The following UBE3C variants were observed in gnomAD, a reference collection of about 807,000 sequenced individuals.
UBE3C encodes ubiquitin-protein ligase E3C.
A neutral mutation model predicts 129.4 loss-of-function variants in UBE3C; 42 were observed. The observed-to-expected ratio is 0.32, with a 90% CI of 0.25 to 0.42. The LOEUF (loss-of-function observed/expected upper bound fraction) is 0.42. Among genes scored for constraint, UBE3C ranks in the 10% least tolerant of loss-of-function variants. The pLI is 1.00. For missense variants in UBE3C, 1,049 were observed against 1,319.1 expected, an observed-to-expected ratio of 0.80 and a Z score of 3.17; for synonymous variants, 510 against 492.4, an observed-to-expected ratio of 1.04 and a Z score of -0.47.
chr7:157,176,744 C>T (rs562186177), intron 5 of UBE3C, among the ~76,000 whole-genome samples: 2 of 152,268 alleles, frequency 1.3e-5, no homozygotes, highest in Admixed American at 6.5e-5. Flanking sequence ...GGCTTGGCCT[C>T]ATTTGTATTT....
At chr7:157,230,926 A>G (rs1240249658) in intron 17 of UBE3C, among the ~76,000 whole-genome samples, 154 bp from the exon 18 acceptor site, 3 of 152,176 alleles carry the variant, frequency 2.0e-5, no homozygotes, top group African/African-American at 7.2e-5. Context: ...CTCTGTCTCA[A>G]AAAATAATGA....
At chr7:157,207,377 T>C (rs1177795775) in intron 11 of UBE3C, 21 bp from the exon 12 acceptor site, 2 of 1,590,990 alleles carry the variant, frequency 1.3e-6, no homozygotes, top group Admixed American at 1.9e-5. Flanking sequence ...CTGGTTTTTT[T>C]CTTCTTTTCT....
In UBE3C at chr7:157,169,045, T is replaced by A; in HGVS notation, c.121-3T>A. On this transcript the variant is annotated splice_region_variant and splice_polypyrimidine_tract_variant and intron_variant, in intron 2 of 22. Coordinates refer to ENST00000348165, the MANE Select transcript of UBE3C (RefSeq NM_014671.3). ...CTCCCTCACTCCTCCTTTTATTGTTTAGGAAGAAAGGCGAAGGTTGAAAAA... is the reference window on the plus strand; with the variant it reads ...CTCCCTCACTCCTCCTTTTATTGTTAAGGAAGAAAGGCGAAGGTTGAAAAA... The A allele has an allele frequency of 6.2e-7, 1 of 1,613,262 alleles. No individual in the cohort carries two copies. Among genetic ancestry groups the A allele is most frequent in the Non-Finnish European group, 8.5e-7 (1 of 1,179,400 alleles).
At chr7:157,150,379 A>G (rs1297740596) in intron 1 of UBE3C, among the ~76,000 whole-genome samples, 1 of 126,494 alleles carries the variant, frequency 7.9e-6, no homozygotes, top group Non-Finnish European at 1.9e-5. Context: ...ACTCTGTCTC[A>G]AAAAAAAAAA....
rs139806998 is a variant in UBE3C at position 157,166,466 on chromosome 7, C to T, written c.121-2582C>T. ...TAAAATCAATATTTTGAGGGCTGGG[C>T]GCGATGGCTCACGCCTGTATTCTCA... On this transcript the variant is annotated intron_variant, in intron 2 of 22. Transcript: ENST00000348165. Among the ~76,000 whole-genome samples, 32 of 152,142 alleles carry T rather than the reference C, an allele frequency of 2.1e-4. 1 individual carries two copies. The highest frequency in any genetic ancestry group is 3.4e-4 in the Non-Finnish European group (23 of 68,020).
chr7:157,189,172 G>A lies in UBE3C; in HGVS notation c.1331+2151G>A, dbSNP rs188313686. 3.4e-4 allele frequency: 134 copies of A among 390,596 alleles called. 1 individual carries two copies. In the East Asian group the frequency reaches 4.6e-3, roughly 13 times the overall value. 24.2% of individuals were successfully genotyped at this position (390,596 alleles called of 1,614,324 possible). ...GAACACTCGTGTCTGAATATGCCGA[G>A]GAAGCTGGGGCTGGAGCAGAAGTGC... On this transcript the variant is annotated intron_variant, in intron 10 of 22. Coordinates refer to ENST00000348165, the MANE Select transcript of UBE3C (RefSeq NM_014671.3).
chr7:157,175,137 CT>C (rs56852731), intron 5 of UBE3C, 103 bp downstream of exon 5: 30,212 of 250,194 alleles, frequency 0.12, 5 homozygotes, highest in Middle Eastern at 0.15. Context: ...CTTTTCCATA[CT>C]TTTTTTTTTT....
chr7:157,195,272 A>T (rs1202194375), intron 10 of UBE3C, among the ~76,000 whole-genome samples: 3 of 152,236 alleles, frequency 2.0e-5, no homozygotes, highest in Non-Finnish European at 4.4e-5. Flanking sequence ...CATATGTAAG[A>T]GACCCACAAG....
At chr7:157,156,801 T>C (rs1807922453) in intron 1 of UBE3C, among the ~76,000 whole-genome samples, 1 of 151,980 alleles carries the variant, frequency 6.6e-6, no homozygotes, top group Non-Finnish European at 1.5e-5. Context: ...TCGGAGACAG[T>C]TCCTGATCAG....
At chr7:157,229,562 C>A (rs1333877630) in intron 17 of UBE3C, among the ~76,000 whole-genome samples, 1 of 152,226 alleles carries the variant, frequency 6.6e-6, no homozygotes, top group Non-Finnish European at 1.5e-5. Flanking sequence ...GGTGACCCAC[C>A]TGCCTTGGCC....
At chr7:157,236,933 T>C (rs1041596171) in intron 18 of UBE3C, among the ~76,000 whole-genome samples, 10 of 152,030 alleles carry the variant, frequency 6.6e-5, no homozygotes, top group African/African-American at 2.4e-4. Flanking sequence ...GGTTTCATCA[T>C]GTTGGCCAAG....
intron 10 of UBE3C, among the ~76,000 whole-genome samples, chr7:157,196,977 A>G (rs1260119865): frequency 2.6e-5 from 4 of 152,238 alleles, no homozygotes; most frequent in Non-Finnish European, 5.9e-5. Flanking sequence ...CTCAAAAAAA[A>G]GAATTGCTGA....
chr7:157,248,830 T>G (rs1796546422), intron 19 of UBE3C, among the ~76,000 whole-genome samples: 1 of 152,176 alleles, frequency 6.6e-6, no homozygotes, highest in African/African-American at 2.4e-5. Context: ...AGCTCCACTC[T>G]CGAGGCTGCG....
At chr7:157,197,647 G>T (rs2116974553) in intron 10 of UBE3C, 1 of 1,608,782 alleles carries the variant, frequency 6.2e-7, no homozygotes, top group South Asian at 1.1e-5. Context: ...TCTGCTTCTA[G>T]CAGTGTCAGG....
intron 19 of UBE3C, among the ~76,000 whole-genome samples, chr7:157,249,686 A>G (rs1796573049): frequency 6.6e-6 from 1 of 152,212 alleles, no homozygotes; most frequent in Non-Finnish European, 1.5e-5. Context: ...TTCTGGCCAA[A>G]TGATATTCCA....
At chr7:157,165,986 G>A (rs1204496984) in intron 2 of UBE3C, among the ~76,000 whole-genome samples, 2 of 152,124 alleles carry the variant, frequency 1.3e-5, no homozygotes, top group Non-Finnish European at 2.9e-5. Context: ...TAGATAGTCT[G>A]ATTATTTGCT....
At chr7:157,201,969 A>T (rs1267133138) in intron 11 of UBE3C, among the ~76,000 whole-genome samples, 162 bp downstream of exon 11, 1 of 152,190 alleles carries the variant, frequency 6.6e-6, no homozygotes, top group Non-Finnish European at 1.5e-5. Flanking sequence ...AAGAAAAATC[A>T]GTGTCTAATC....
intron 2 of UBE3C, among the ~76,000 whole-genome samples, chr7:157,168,482 T>A (rs1328256529): frequency 1.3e-5 from 2 of 152,212 alleles, no homozygotes; most frequent in African/African-American, 4.8e-5. Context: ...ACAACAAAAC[T>A]TATATATGAA....
At chr7:157,265,792 G>A (rs577236460) in intron 22 of UBE3C, among the ~76,000 whole-genome samples, 1 of 152,360 alleles carries the variant, frequency 6.6e-6, no homozygotes, top group South Asian at 2.1e-4. Flanking sequence ...TTGGTTGCCA[G>A]TGGGAATGGG....
Sources: allele counts gnomAD v4.1 joint callset (sites outside exome capture counted in the v4.1 genomes callset), GRCh38; gene constraint gnomAD v4.1.1; transcripts MANE v1.5; gene names NCBI Gene and HGNC (gene_info 2026-07-23, HGNC 2026-07-21).